MACC1: variants seen among roughly 807,000 people sequenced by gnomAD.
MACC1 encodes the protein MET transcriptional regulator MACC1.
In MACC1, 79 loss-of-function variants were observed where a neutral mutation model predicts 70.7. That is an observed-to-expected ratio of 1.12 (90% CI 0.93 to 1.35). The LOEUF is 1.35. Among genes scored for constraint, MACC1 ranks in the 40% most tolerant of loss-of-function variants. MACC1 has a pLI of 0.00. For missense variants in MACC1, 1,106 were observed against 978.1 expected (o/e 1.13, Z -1.74); for synonymous variants, 361 against 347.2 (o/e 1.04, Z -0.44).
intron 6 of MACC1, among the ~76,000 whole-genome samples, chr7:20,145,783 G>C (rs182388325): frequency 5.3e-5 from 8 of 152,140 alleles, no homozygotes; most frequent in African/African-American, 1.7e-4. Flanking sequence ...GAAGGAATGA[G>C]AACAAAAGCA....
intron 5 of MACC1, among the ~76,000 whole-genome samples, chr7:20,155,913 G>A (rs897491614): frequency 4.6e-5 from 7 of 152,164 alleles, no homozygotes; most frequent in African/African-American, 1.7e-4. Flanking sequence ...TAAAACCTGA[G>A]TTTAAAATCC....
chr7:20,141,055 A>T lies in MACC1; in HGVS notation c.2450T>A (p.Met817Lys). ...LQDLQSALDR[M>K]KNPVTKHWRE... ...CCAGTGTTTAGTCACAGGGTTTTTC[A>T]TTCTGTCCAAAGCTGACTGAAGGTC... The change falls in exon 7 of 7, where the codon ATG becomes AAG. Residue 817 changes from methionine to lysine, a missense_variant. Coordinates refer to ENST00000400331, the MANE Select transcript of MACC1 (RefSeq NM_182762.4). 1 of 1,613,988 alleles carries T rather than the reference A, an allele frequency of 6.2e-7. No homozygotes were observed.
intron 1 of MACC1, among the ~76,000 whole-genome samples, chr7:20,201,978 A>G (rs901557625): frequency 6.6e-6 from 1 of 152,178 alleles, no homozygotes; most frequent in East Asian, 1.9e-4. Context: ...TCCTTTCCCC[A>G]GTAAAACTGT....
At chr7:20,195,086 G>A (rs750634641) in intron 1 of MACC1, among the ~76,000 whole-genome samples, 3 of 151,214 alleles carry the variant, frequency 2.0e-5, no homozygotes, top group East Asian at 1.9e-4. Flanking sequence ...TAATCTTAAC[G>A]TTTTCTCTTA....
At chr7:20,180,658 A>C (rs2128105809) in intron 1 of MACC1, among the ~76,000 whole-genome samples, 1 of 152,206 alleles carries the variant, frequency 6.6e-6, no homozygotes, top group East Asian at 1.9e-4. Context: ...CAGCCAGGTC[A>C]ACATGGTGAA....
intron 1 of MACC1, chr7:20,198,726 T>C (rs561530940): frequency 1.3e-5 from 2 of 152,358 alleles, no homozygotes; most frequent in South Asian, 2.1e-4. Flanking sequence ...ATTACTTGTA[T>C]ATTTTCTAAT....
intron 1 of MACC1, among the ~76,000 whole-genome samples, chr7:20,190,940 G>A (rs1054568631): frequency 1.3e-5 from 2 of 152,190 alleles, no homozygotes; most frequent in African/African-American, 2.4e-5. Context: ...ATAAACAAGG[G>A]AAGATATTAA....
Position 20,152,766 on chromosome 7 carries a change from C to A in MACC1, c.2346+1427G>T, listed in dbSNP as rs569763399. On this transcript the variant is annotated intron_variant, in intron 6 of 6. Transcript: ENST00000400331. ...GGGGAAGACAAACTATAAACAACCA[C>A]AATTAGAGAGAAGCCAGATGCTTAA... 9.5e-4 allele frequency among the ~76,000 whole-genome samples: 144 copies of A among 152,234 alleles called. 1 individual carries two copies. The highest frequency in any genetic ancestry group is 1.8e-3 in the Non-Finnish European group (121 of 68,006).
chr7:20,150,744 G>C (rs903891824), intron 6 of MACC1, among the ~76,000 whole-genome samples: 11 of 152,208 alleles, frequency 7.2e-5, no homozygotes, highest in Admixed American at 3.9e-4. Context: ...AGTGGGCAAA[G>C]GTAATTGAAG....
chr7:20,161,936 T>C (rs1782144806), intron 3 of MACC1, 66 bp from the exon 4 acceptor site: 6 of 915,604 alleles, frequency 6.6e-6, no homozygotes, highest in Middle Eastern at 2.4e-4. Context: ...GAAAATAAAC[T>C]CAAAGACATC....
At chr7:20,178,648 G>A (rs772899697) in intron 1 of MACC1, among the ~76,000 whole-genome samples, 1 of 152,194 alleles carries the variant, frequency 6.6e-6, no homozygotes, top group Non-Finnish European at 1.5e-5. Context: ...TGCCCAGGCA[G>A]GAGTGCAAAG....
intron 6 of MACC1, among the ~76,000 whole-genome samples, chr7:20,141,370 T>C (rs1413992665): frequency 6.6e-6 from 1 of 152,162 alleles, no homozygotes; most frequent in Non-Finnish European, 1.5e-5. Flanking sequence ...ATTTTAAAAA[T>C]AATAACTACA....
intron 5 of MACC1, among the ~76,000 whole-genome samples, chr7:20,156,841 T>G: frequency 6.6e-6 from 1 of 152,216 alleles, no homozygotes; most frequent in Non-Finnish European, 1.5e-5. Flanking sequence ...TCTACTTCTT[T>G]TGCATCTTGA....
At chr7:20,216,163 T>G (rs1201158743) in intron 1 of MACC1, among the ~76,000 whole-genome samples, 2 of 152,162 alleles carry the variant, frequency 1.3e-5, no homozygotes, top group African/African-American at 4.8e-5. Flanking sequence ...AATTGCTATG[T>G]AAAAACCAGA....
intron 1 of MACC1, among the ~76,000 whole-genome samples, chr7:20,200,179 GA>G (rs1404132699): frequency 1.3e-5 from 2 of 151,842 alleles, no homozygotes; most frequent in East Asian, 3.9e-4. Context: ...TTGGGGAAAG[GA>G]AATACAGGGG....
chr7:20,168,042 T>A (rs17142519), intron 2 of MACC1, among the ~76,000 whole-genome samples: 1,700 of 152,306 alleles, frequency 0.011, 34 homozygotes, highest in African/African-American at 0.039. Flanking sequence ...GGATGAAGAA[T>A]GCTCATCTTA....
chr7:20,174,020 T>TAGTTGGATG (rs1202567388), intron 1 of MACC1, among the ~76,000 whole-genome samples: 3 of 152,308 alleles, frequency 2.0e-5, no homozygotes, highest in African/African-American at 7.2e-5. Flanking sequence ...CATGGATGGT[T>TAGTTGGATG]AGTTGGATGA....
chr7:20,215,689 T>A (rs1783059409), intron 1 of MACC1, among the ~76,000 whole-genome samples: 1 of 152,222 alleles, frequency 6.6e-6, no homozygotes, highest in South Asian at 2.1e-4. Context: ...ATATGTGTGG[T>A]CTTTCAAGAA....
chr7:20,200,660 C>G (rs1782820753), intron 1 of MACC1, among the ~76,000 whole-genome samples: 1 of 152,142 alleles, frequency 6.6e-6, no homozygotes, highest in South Asian at 2.1e-4. Context: ...TCTTTTTTTG[C>G]TGGAGCCAGA....
Sources: allele counts gnomAD v4.1 joint callset (sites outside exome capture counted in the v4.1 genomes callset), GRCh38; gene constraint gnomAD v4.1.1; transcripts MANE v1.5; gene names NCBI Gene and HGNC (gene_info 2026-07-23, HGNC 2026-07-21).